PAK5: variants seen among roughly 807,000 people sequenced by gnomAD.
PAK5 encodes the protein serine/threonine-protein kinase PAK 5.
Under a neutral mutation model 65.9 loss-of-function variants are expected in PAK5, and 16 were observed. That is an observed-to-expected ratio of 0.24 (90% CI 0.16 to 0.37). The LOEUF (loss-of-function observed/expected upper bound fraction) is 0.37. Among genes scored for constraint, PAK5 ranks in the 10% least tolerant of loss-of-function variants. The probability of loss-of-function intolerance (pLI) is 1.00; values close to 1 mark genes in which losing one functional copy is unlikely to be tolerated. For missense variants in PAK5, 785 were observed against 903.9 expected (o/e 0.87, Z 1.69); for synonymous variants, 371 against 354.9 (o/e 1.05, Z -0.51).
intron 2 of PAK5, among the ~76,000 whole-genome samples, chr20:9,683,021 A>AAC (rs2047670827): frequency 6.6e-6 from 1 of 152,254 alleles, no homozygotes; most frequent in African/African-American, 2.4e-5. Context: ...GCACTCTCAG[A>AAC]ACACTTGGAT....
rs551655451 is a variant in PAK5 at position 9,715,564 on chromosome 20, A to T, written c.-161-4129T>A. Among the ~76,000 whole-genome samples, 640 of 152,232 alleles carry T rather than the reference A, an allele frequency of 4.2e-3. 5 individuals carry two copies. The highest frequency in any genetic ancestry group is 6.2e-3 in the Non-Finnish European group (422 of 68,024). ...TTACTGGGTATATACCCAAAGGATT[A>T]TAAATCATGCTGCTATAAAGACACA... On this transcript the variant is annotated intron_variant, in intron 1 of 9. Coordinates refer to ENST00000353224, the MANE Select transcript of PAK5 (RefSeq NM_177990.4).
chr20:9,744,312 A>G (rs2048482879), intron 1 of PAK5, among the ~76,000 whole-genome samples: 1 of 152,218 alleles, frequency 6.6e-6, no homozygotes, highest in South Asian at 2.1e-4. Context: ...ACATCAGTTC[A>G]TTAAGTATAA....
chr20:9,771,865 C>A (rs984585787), intron 1 of PAK5, among the ~76,000 whole-genome samples: 2 of 152,054 alleles, frequency 1.3e-5, no homozygotes, highest in Non-Finnish European at 2.9e-5. Flanking sequence ...TGGCAAAACT[C>A]TATCTCCACA....
At chr20:9,692,136 T>G (rs985973879) in intron 2 of PAK5, among the ~76,000 whole-genome samples, 3 of 152,216 alleles carry the variant, frequency 2.0e-5, no homozygotes, top group African/African-American at 7.2e-5. Flanking sequence ...TTGCTCACTC[T>G]GATAGAGTAC....
intron 1 of PAK5, among the ~76,000 whole-genome samples, chr20:9,779,556 A>G (rs2048920538): frequency 6.6e-6 from 1 of 151,604 alleles, no homozygotes; most frequent in African/African-American, 2.4e-5. Context: ...TTTGGTTGAT[A>G]CTACATTAAA....
At chr20:9,621,406 A>T (rs868414342) in intron 3 of PAK5, among the ~76,000 whole-genome samples, 22,303 of 96,882 alleles carry the variant, frequency 0.23, 2,135 homozygotes, top group South Asian at 0.38. Flanking sequence ...AGGACTGATT[A>T]AAAAAAAAAA....
chr20:9,713,298 A>G (rs908580276), intron 1 of PAK5, among the ~76,000 whole-genome samples: 7 of 152,196 alleles, frequency 4.6e-5, no homozygotes, highest in African/African-American at 1.7e-4. Context: ...AATGCAAATC[A>G]AAACCACAAT....
At chr20:9,590,516 C>T (rs1004259196) in intron 3 of PAK5, among the ~76,000 whole-genome samples, 5 of 151,872 alleles carry the variant, frequency 3.3e-5, no homozygotes, top group African/African-American at 1.2e-4. Flanking sequence ...AAAATACTTA[C>T]TCTCAGGCCC....
At chr20:9,810,351 T>C (rs950880404) in intron 1 of PAK5, among the ~76,000 whole-genome samples, 5 of 152,008 alleles carry the variant, frequency 3.3e-5, no homozygotes, top group Admixed American at 3.3e-4. Context: ...GGTGGGAGGA[T>C]TGCTTGAGCC....
chr20:9,561,249 C>T (rs1282812245), intron 6 of PAK5, among the ~76,000 whole-genome samples: 1 of 151,944 alleles, frequency 6.6e-6, no homozygotes, highest in Non-Finnish European at 1.5e-5. Flanking sequence ...GAGTGGTTTC[C>T]ATGGATACAA....
chr20:9,601,458 C>A (rs1029507302), intron 3 of PAK5, among the ~76,000 whole-genome samples: 2 of 152,066 alleles, frequency 1.3e-5, no homozygotes, highest in Non-Finnish European at 2.9e-5. Flanking sequence ...TCCCAATAGC[C>A]CTAGGAGACT....
intron 1 of PAK5, among the ~76,000 whole-genome samples, chr20:9,744,848 A>G (rs1366995933): frequency 1.3e-5 from 2 of 152,128 alleles, no homozygotes; most frequent in African/African-American, 2.4e-5. Flanking sequence ...TTTGTTTTTC[A>G]TGCTACTATG....
At chr20:9,634,887 T>C (rs1378128454) in intron 3 of PAK5, among the ~76,000 whole-genome samples, 1 of 152,086 alleles carries the variant, frequency 6.6e-6, no homozygotes, top group East Asian at 1.9e-4. Flanking sequence ...CCAAGAGAAA[T>C]GTGAGTGTCC....
rs2045961679 is a variant in PAK5, at chr20:9,580,604, G to A, written c.531C>T (p.His177=). The A allele has an allele frequency of 1.9e-6, 3 of 1,613,828 alleles. No homozygotes were observed. The highest frequency in any genetic ancestry group is 2.5e-6 in the Non-Finnish European group (3 of 1,179,950). The part of the protein sequence containing the change: ...KQNGHVMKMK[H]GEAYYSEVKP... ...TCACCTCAGAATAGTAGGCCTCCCCGTGCTTCATTTTCATTACGTGCCCAT... is the reference window on the plus strand; with the variant it reads ...TCACCTCAGAATAGTAGGCCTCCCCATGCTTCATTTTCATTACGTGCCCAT... The change falls in exon 4 of 10, where the codon CAC becomes CAT. Residue 177 remains histidine (H), a synonymous_variant. Transcript: ENST00000353224.
At chr20:9,702,756 C>A (rs2047955979) in intron 2 of PAK5, among the ~76,000 whole-genome samples, 1 of 152,164 alleles carries the variant, frequency 6.6e-6, no homozygotes, top group South Asian at 2.1e-4. Context: ...TGGCTCAAGG[C>A]ACCCTGACTG....
intron 2 of PAK5, among the ~76,000 whole-genome samples, chr20:9,661,489 C>CT (rs1569026364): frequency 2.0e-5 from 3 of 152,084 alleles, no homozygotes; most frequent in South Asian, 4.1e-4. Context: ...CTGAGAAGAC[C>CT]TTTTTTATGG....
In PAK5 at chr20:9,753,087, T is replaced by G. The variant is rs370145985; in HGVS notation, c.-161-41652A>C. ...ACCCCAAGCTGATCTCCAGCAGACC[T>G]CACACACATGAGCCAACCAGCTGGC... On this transcript the variant is annotated intron_variant, in intron 1 of 9. Coordinates refer to ENST00000353224, the MANE Select transcript of PAK5 (RefSeq NM_177990.4). Among the ~76,000 whole-genome samples the G allele has an allele frequency of 2.8e-4, 43 of 152,182 alleles. No individual in the cohort carries two copies. In the South Asian group the frequency reaches 8.3e-3, roughly 29 times the overall value.
intron 1 of PAK5, among the ~76,000 whole-genome samples, chr20:9,757,595 G>A (rs2048649730): frequency 6.6e-6 from 1 of 152,096 alleles, no homozygotes; most frequent in Non-Finnish European, 1.5e-5. Context: ...ATTCAGTGGA[G>A]GGTTTTGTCA....
intron 1 of PAK5, among the ~76,000 whole-genome samples, chr20:9,813,371 G>T (rs1378678344): frequency 6.6e-6 from 1 of 152,006 alleles, no homozygotes; most frequent in Non-Finnish European, 1.5e-5. Context: ...CCTCAATAAA[G>T]CTCAAAAATA....
Sources: allele counts gnomAD v4.1 joint callset (sites outside exome capture counted in the v4.1 genomes callset), GRCh38; gene constraint gnomAD v4.1.1; transcripts MANE v1.5; gene names NCBI Gene and HGNC (gene_info 2026-07-23, HGNC 2026-07-21).